The following SH3D19 variants were observed in gnomAD, a reference collection of about 807,000 sequenced individuals.
SH3D19 encodes SH3 domain-containing protein 19.
SH3D19 carries 58 observed loss-of-function variants against 112.1 expected under a neutral mutation model. The observed-to-expected ratio is 0.52, with a 90% CI of 0.42 to 0.64. The LOEUF is 0.64. Among genes scored for constraint, SH3D19 ranks in the 30% least tolerant of loss-of-function variants. The pLI, the probability that SH3D19 is intolerant of heterozygous loss-of-function variation, is 0.00. For missense variants in SH3D19, 1,090 were observed against 1,263.4 expected (o/e 0.86, Z 2.08); for synonymous variants, 391 against 448.5 (o/e 0.87, Z 1.62).
intron 2 of SH3D19, among the ~76,000 whole-genome samples, chr4:151,199,368 T>A (rs1263339423): frequency 6.6e-6 from 1 of 152,092 alleles, no homozygotes; most frequent in Non-Finnish European, 1.5e-5. Flanking sequence ...TTTATCAGCC[T>A]CAGTTTAAAG....
At chr4:151,170,468 C>G (rs1758854199) in intron 7 of SH3D19, 1 of 151,808 alleles carries the variant, frequency 6.6e-6, no homozygotes, top group South Asian at 2.1e-4. Flanking sequence ...AATAAAAACT[C>G]TTTTTCTGGG....
rs539623384 is a variant in SH3D19 at position 151,170,168 on chromosome 4, C to A, written c.1535-4472G>T. Among the ~76,000 whole-genome samples, 6 of 152,284 alleles carry A rather than the reference C, an allele frequency of 3.9e-5. No individual in the cohort carries two copies. The South Asian group carries it at 6.2e-4, about 16-fold the overall frequency. ...GCCCAAAGGCACAGAAGGCTGCATA[C>A]TTTGTTCACATTGGTTACCGTGGGG... On this transcript the variant is annotated intron_variant, in intron 7 of 19. Coordinates refer to ENST00000604030, the MANE Select transcript of SH3D19 (RefSeq NM_001378122.1).
chr4:151,225,144 G>T (rs1467724394), intron 2 of SH3D19, among the ~76,000 whole-genome samples: 3 of 152,086 alleles, frequency 2.0e-5, no homozygotes. Context: ...ATTGATTGAG[G>T]TCAATGCACT....
At chr4:151,240,736 T>C (rs940862736) in intron 1 of SH3D19, among the ~76,000 whole-genome samples, 3 of 151,944 alleles carry the variant, frequency 2.0e-5, no homozygotes, top group Admixed American at 6.6e-5. Context: ...AGTCCAGCAA[T>C]TATCAGAAGG....
chr4:151,160,701 A>C (rs989244428), intron 8 of SH3D19, among the ~76,000 whole-genome samples: 8 of 149,346 alleles, frequency 5.4e-5, no homozygotes, highest in African/African-American at 2.0e-4. Context: ...TTTTTTTCAA[A>C]TGTACACTCT....
chr4:151,180,606 C>G (rs993806074), intron 3 of SH3D19, among the ~76,000 whole-genome samples: 1 of 151,454 alleles, frequency 6.6e-6, no homozygotes, highest in Non-Finnish European at 1.5e-5. Flanking sequence ...CGGGGTTTCA[C>G]CGTGTTAGCC....
chr4:151,322,794 C>T (rs960473109), intron 1 of SH3D19, among the ~76,000 whole-genome samples: 1 of 152,168 alleles, frequency 6.6e-6, no homozygotes, highest in Non-Finnish European at 1.5e-5. Context: ...TCATTCCAGA[C>T]ATTTCATAAT....
intron 14 of SH3D19, 143 bp from the exon 15 acceptor site, chr4:151,135,275 C>T: frequency 1.9e-6 from 1 of 538,918 alleles, no homozygotes; most frequent in Non-Finnish European, 3.2e-6. Context: ...ACTACAGGTG[C>T]TAAATGGTAA....
intron 8 of SH3D19, among the ~76,000 whole-genome samples, chr4:151,160,013 T>C (rs888275006): frequency 6.6e-6 from 1 of 152,120 alleles, no homozygotes; most frequent in African/African-American, 2.4e-5. Context: ...TTCATTTTGA[T>C]AAGGCATGCT....
chr4:151,282,452 T>A lies in SH3D19; in HGVS notation c.112+42789A>T, dbSNP rs143028832. The A allele has an allele frequency of 4.6e-5, 74 of 1,606,514 alleles. No individual in the cohort carries two copies. In the African/African-American group the frequency reaches 9.2e-4, roughly 20 times the overall value. Reference sequence around the variant, plus strand: ...GAGAGAAGGGTTGTTTCATATGTCATCCTCTTGTACTCCAGAACATTCATA... The same window carrying A: ...GAGAGAAGGGTTGTTTCATATGTCAACCTCTTGTACTCCAGAACATTCATA... On this transcript the variant is annotated intron_variant, in intron 1 of 19. Coordinates refer to ENST00000604030, the MANE Select transcript of SH3D19 (RefSeq NM_001378122.1).
At chr4:151,276,773 A>T (rs1773664727) in intron 1 of SH3D19, among the ~76,000 whole-genome samples, 1 of 152,226 alleles carries the variant, frequency 6.6e-6, no homozygotes, top group Non-Finnish European at 1.5e-5. Flanking sequence ...AAAAAAACTC[A>T]GAAAAATTAA....
chr4:151,311,728 T>C (rs1342524807), intron 1 of SH3D19, among the ~76,000 whole-genome samples: 4 of 152,074 alleles, frequency 2.6e-5, no homozygotes, highest in African/African-American at 9.7e-5. Context: ...CAGTCTCAGC[T>C]ACTCAGGAGG....
At chr4:151,285,049 C>T (rs1286016960) in intron 1 of SH3D19, among the ~76,000 whole-genome samples, 1 of 152,070 alleles carries the variant, frequency 6.6e-6, no homozygotes, top group African/African-American at 2.4e-5. Flanking sequence ...TTTTACCAGC[C>T]ACTATGCATG....
rs375856466 is a variant in SH3D19 at position 151,175,090 on chromosome 4, C to G, written c.1114G>C (p.Glu372Gln). The G allele has an allele frequency of 2.5e-6, 4 of 1,614,012 alleles. No homozygotes were observed. The African/African-American group carries it at 5.3e-5, about 22-fold the overall frequency. Residue 372 changes from glutamate (E) to glutamine (Q), a missense_variant, in exon 7 of 20, where the codon GAA becomes CAA. Transcript: ENST00000604030. ...EGLTPYPPLQ[E>Q]AGSIPVTKPE... ...TTGGTTACTGGGATGCTTCCCGCTT[C>G]TTGCAGGGGAGGGTATGGGGTGAGT... is the stretch of plus-strand genomic sequence containing the variant.
At chr4:151,136,329 G>T (rs1314355225) in intron 14 of SH3D19, among the ~76,000 whole-genome samples, 1 of 151,530 alleles carries the variant, frequency 6.6e-6, no homozygotes, top group East Asian at 1.9e-4. Context: ...TCAATTTTTT[G>T]TGGGGACAGG....
intron 2 of SH3D19, among the ~76,000 whole-genome samples, chr4:151,214,874 C>T (rs1178208260): frequency 4.8e-5 from 7 of 145,170 alleles, no homozygotes; most frequent in Non-Finnish European, 7.7e-5. Flanking sequence ...ACTTCCCAGA[C>T]GGGGTGGCTG....
At chr4:151,130,634 T>C (rs1198848154) in intron 17 of SH3D19, among the ~76,000 whole-genome samples, 2 of 152,126 alleles carry the variant, frequency 1.3e-5, no homozygotes, top group Non-Finnish European at 2.9e-5. Flanking sequence ...TTTGGAAAGT[T>C]GAGAAACGTA....
At chr4:151,177,753 G>A (rs925098715) in intron 4 of SH3D19, among the ~76,000 whole-genome samples, 4 of 152,152 alleles carry the variant, frequency 2.6e-5, no homozygotes, top group Non-Finnish European at 5.9e-5. Context: ...TCACAGTTAT[G>A]TTTAAGTGTT....
intron 1 of SH3D19, among the ~76,000 whole-genome samples, chr4:151,236,546 C>T (rs991778772): frequency 7.9e-5 from 12 of 151,348 alleles, no homozygotes; most frequent in Non-Finnish European, 1.2e-4. Context: ...GGATTGTAAA[C>T]GCACCAATCA....
Sources: gnomAD v4.1 joint callset for allele counts (sites outside exome capture counted in the v4.1 genomes callset) on GRCh38, gnomAD v4.1.1 for gene constraint, MANE v1.5 for transcripts, NCBI Gene and HGNC (gene_info 2026-07-23, HGNC 2026-07-21) for gene names.